RBFOX1: variants seen among roughly 807,000 people sequenced by gnomAD.
RBFOX1 encodes RNA binding fox-1 homolog 1, also known as RNA binding protein fox-1 homolog 1.
A neutral mutation model predicts 57.7 loss-of-function variants in RBFOX1; 8 were observed. That is an observed-to-expected ratio of 0.14 (90% CI 0.08 to 0.25). The LOEUF is 0.25. RBFOX1 is among the 10% of genes least tolerant of loss of function. The probability of loss-of-function intolerance (pLI) is 1.00; values close to 1 mark genes in which losing one functional copy is unlikely to be tolerated. For synonymous variants in RBFOX1, 326 were observed against 222.4 expected, an observed-to-expected ratio of 1.47 and a Z score of -4.15; for missense variants, 611 against 548.5, an observed-to-expected ratio of 1.11 and a Z score of -1.14.
intron 4 of RBFOX1, among the ~76,000 whole-genome samples, chr16:5,902,040 C>T (rs894254093): frequency 3.9e-5 from 6 of 152,154 alleles, no homozygotes; most frequent in South Asian, 2.1e-4. Flanking sequence ...GTACTTATAA[C>T]GTGGATGGGG....
At chr16:7,104,539 A>T in intron 4 of RBFOX1, among the ~76,000 whole-genome samples, 1 of 152,188 alleles carries the variant, frequency 6.6e-6, no homozygotes, top group East Asian at 1.9e-4. Context: ...ACCTAAGATT[A>T]CGCAAATAAT....
At position 6,584,087 on chromosome 16, in the gene RBFOX1, G is replaced by C. The variant is rs1413525060; in HGVS notation, c.-63-70516G>C. On this transcript the variant is annotated intron_variant, in intron 2 of 15. Transcript: ENST00000550418. ...ATAAAGTCAACTGCAAATACTGAAA[G>C]ACCATTCAGAAAGAAACGTAACCAA... Among the ~76,000 whole-genome samples the C allele has an allele frequency of 2.0e-5, 3 of 151,454 alleles. No individual in the cohort carries two copies. In the East Asian group the frequency reaches 5.8e-4, roughly 29 times the overall value.
intron 4 of RBFOX1, among the ~76,000 whole-genome samples, chr16:7,076,037 C>CA (rs1341658727): frequency 1.0e-4 from 14 of 140,560 alleles, no homozygotes; most frequent in Admixed American, 3.6e-4. Context: ...CACACTTGGG[C>CA]TTTTTTTTTT....
chr16:6,427,428 G>T (rs938561256), intron 2 of RBFOX1, among the ~76,000 whole-genome samples: 6 of 152,178 alleles, frequency 3.9e-5, no homozygotes, highest in Non-Finnish European at 8.8e-5. Flanking sequence ...GCTGAGCATG[G>T]CCTCATTTGG....
chr16:6,240,894 C>T (rs1467945610), intron 1 of RBFOX1, among the ~76,000 whole-genome samples: 1 of 152,134 alleles, frequency 6.6e-6, no homozygotes, highest in Non-Finnish European at 1.5e-5. Flanking sequence ...ATGAAGTTCC[C>T]ATTGACCTCT....
At chr16:6,619,892 T>G (rs2098202036) in intron 2 of RBFOX1, among the ~76,000 whole-genome samples, 1 of 151,526 alleles carries the variant, frequency 6.6e-6, no homozygotes, top group Admixed American at 6.6e-5. Context: ...GCAGTTTGTG[T>G]TGTTCCCCTC....
At chr16:7,621,159 T>C (rs986835129) in intron 10 of RBFOX1, among the ~76,000 whole-genome samples, 1 of 152,220 alleles carries the variant, frequency 6.6e-6, no homozygotes, top group African/African-American at 2.4e-5. Context: ...TTGACACCTA[T>C]AACTTTGAAG....
At chr16:7,412,275 C>T (rs1237002795) in intron 4 of RBFOX1, among the ~76,000 whole-genome samples, 4 of 151,832 alleles carry the variant, frequency 2.6e-5, no homozygotes, top group Admixed American at 6.6e-5. Context: ...ATTAGCCAGG[C>T]GTGGTGGCGT....
chr16:6,526,394 C>A (rs143206617), intron 2 of RBFOX1, among the ~76,000 whole-genome samples: 139 of 152,268 alleles, frequency 9.1e-4, no homozygotes, highest in African/African-American at 3.1e-3. Context: ...TGAGTCGAAT[C>A]ATCAATCAAG....
intron 2 of RBFOX1, among the ~76,000 whole-genome samples, chr16:6,407,629 A>G (rs1364923189): frequency 2.0e-5 from 3 of 151,662 alleles, no homozygotes; most frequent in Admixed American, 6.6e-5. Flanking sequence ...GAACAGAGCC[A>G]TAATCAAGGC....
At chr16:6,605,556 A>C (rs141577247) in intron 2 of RBFOX1, among the ~76,000 whole-genome samples, 29 of 152,188 alleles carry the variant, frequency 1.9e-4, no homozygotes, top group African/African-American at 6.5e-4. Context: ...TTGTCATCGG[A>C]GTGATCGGAG....
intron 3 of RBFOX1, among the ~76,000 whole-genome samples, chr16:6,957,364 T>C (rs1008760534): frequency 4.1e-4 from 62 of 151,560 alleles, no homozygotes; most frequent in African/African-American, 1.3e-3. Context: ...ATCTCCTGAC[T>C]TCGTGATCTG....
intron 4 of RBFOX1, among the ~76,000 whole-genome samples, chr16:6,006,917 C>T (rs1596389753): frequency 6.6e-6 from 1 of 152,290 alleles, no homozygotes; most frequent in East Asian, 1.9e-4. Flanking sequence ...CCTTCTCTCC[C>T]CATATTTTTT....
intron 1 of RBFOX1, among the ~76,000 whole-genome samples, chr16:6,127,646 C>G (rs2096599603): frequency 6.6e-6 from 1 of 152,182 alleles, no homozygotes; most frequent in South Asian, 2.1e-4. Flanking sequence ...CACCCTGCGT[C>G]CCAGCAAGGA....
intron 3 of RBFOX1, among the ~76,000 whole-genome samples, chr16:7,010,761 C>A (rs2093616437): frequency 6.6e-6 from 1 of 152,104 alleles, no homozygotes; most frequent in Non-Finnish European, 1.5e-5. Flanking sequence ...GACATGGTTT[C>A]TCCATGTTGG....
Position 5,644,053 on chromosome 16 carries a change from G to A in RBFOX1, c.318+45092G>A, listed in dbSNP as rs115985817. On this transcript the variant is annotated intron_variant, in intron 3 of 19. Transcript: ENST00000641259. ...CTGCGTCGTACACAGAGGACTCTTC[G>A]AAGCTAGTAATTTTCATGATGCAAA... Among the ~76,000 whole-genome samples, 1,331 of 152,188 alleles carry A rather than the reference G, an allele frequency of 8.7e-3. 17 individuals are homozygous for A. Among genetic ancestry groups the A allele is most frequent in the African/African-American group, 0.031 (1,267 of 41,530 alleles).
At chr16:5,441,056 G>A (rs983632317) in intron 1 of RBFOX1, among the ~76,000 whole-genome samples, 6 of 152,094 alleles carry the variant, frequency 3.9e-5, no homozygotes, top group African/African-American at 7.2e-5. Context: ...CTGTCTCCAG[G>A]GTCACAGTGC....
chr16:5,428,446 A>G (rs537533106), intron 1 of RBFOX1, among the ~76,000 whole-genome samples: 1 of 152,092 alleles, frequency 6.6e-6, no homozygotes, highest in African/African-American at 2.4e-5. Context: ...ATGTAAGCTA[A>G]ACCCCTGGGG....
intron 3 of RBFOX1, among the ~76,000 whole-genome samples, chr16:6,784,192 G>C (rs763415964): frequency 6.6e-6 from 1 of 151,810 alleles, no homozygotes; most frequent in Admixed American, 6.6e-5. Context: ...TTATTTTTTT[G>C]AATAAACTTT....
Sources: allele counts gnomAD v4.1 joint callset (sites outside exome capture counted in the v4.1 genomes callset), GRCh38; gene constraint gnomAD v4.1.1; transcripts MANE v1.5; gene names NCBI Gene and HGNC (gene_info 2026-07-23, HGNC 2026-07-21).